MACROD2: variants seen among roughly 807,000 people sequenced by gnomAD.
The protein encoded by MACROD2 is ADP-ribose glycohydrolase MACROD2.
A neutral mutation model predicts 70.4 loss-of-function variants in MACROD2; 36 were observed. The ratio of observed to expected loss-of-function variants is 0.51; its 90% CI spans 0.39 to 0.68. The LOEUF is 0.68. Ranked by LOEUF, MACROD2 falls within the 30% of genes least tolerant of loss-of-function variation. MACROD2 has a pLI of 0.00. For synonymous variants in MACROD2, 172 were observed against 178.8 expected (o/e 0.96, Z 0.30); for missense variants, 496 against 538.4 (o/e 0.92, Z 0.78).
chr20:15,166,555 G>A (rs771713167), intron 5 of MACROD2, among the ~76,000 whole-genome samples: 1 of 151,878 alleles, frequency 6.6e-6, no homozygotes, highest in Admixed American at 6.6e-5. Context: ...CAGACTGAGA[G>A]ATTTATGCTT....
At chr20:14,734,710 AG>A (rs1465373848) in intron 5 of MACROD2, among the ~76,000 whole-genome samples, 1 of 152,170 alleles carries the variant, frequency 6.6e-6, no homozygotes, top group Non-Finnish European at 1.5e-5. Context: ...AGAAAGTTGG[AG>A]GGTTCACATT....
intron 10 of MACROD2, among the ~76,000 whole-genome samples, chr20:15,929,431 T>C (rs2065540055): frequency 4.0e-5 from 1 of 25,172 alleles, no homozygotes; most frequent in Non-Finnish European, 2.6e-4. Context: ...ACACTGATTT[T>C]ATATATATAT....
chr20:15,051,272 A>G (rs571159271), intron 5 of MACROD2, among the ~76,000 whole-genome samples: 1 of 151,728 alleles, frequency 6.6e-6, no homozygotes, highest in Non-Finnish European at 1.5e-5. Flanking sequence ...TTACTTGGCT[A>G]GTTTCCCCCA....
At chr20:15,982,612 G>GTCTAAC (rs1221999075) in intron 13 of MACROD2, among the ~76,000 whole-genome samples, 2 of 152,130 alleles carry the variant, frequency 1.3e-5, no homozygotes, top group Non-Finnish European at 2.9e-5. Context: ...GGGCCTACTA[G>GTCTAAC]AGTAAACTGA....
intron 2 of MACROD2, among the ~76,000 whole-genome samples, chr20:14,069,890 C>G (rs2053815864): frequency 6.6e-6 from 1 of 151,722 alleles, no homozygotes; most frequent in Non-Finnish European, 1.5e-5. Context: ...GGTGTCTGTG[C>G]TCGCTTATCA....
intron 3 of MACROD2, among the ~76,000 whole-genome samples, chr20:14,159,956 G>A (rs745410689): frequency 1.6e-4 from 24 of 152,126 alleles, no homozygotes; most frequent in African/African-American, 4.6e-4. Context: ...TATCAGATGC[G>A]TTTTCTGCAT....
rs190976162 is a variant in MACROD2, at chr20:15,655,669, A to G, written c.645+155822A>G. On this transcript the variant is annotated intron_variant, in intron 8 of 17. Coordinates refer to ENST00000684519, the MANE Select transcript of MACROD2 (RefSeq NM_001351661.2). Reference sequence around the variant, plus strand: ...CATTATTTCGAATGATGTATTTTTAATGTCATAACTTTCTATTATTATTTA... The same window carrying G: ...CATTATTTCGAATGATGTATTTTTAGTGTCATAACTTTCTATTATTATTTA... 2.0e-5 allele frequency among the ~76,000 whole-genome samples: 3 copies of G among 152,312 alleles called. No homozygotes were observed. The East Asian group carries it at 5.8e-4, about 29-fold the overall frequency.
chr20:14,735,174 A>G (rs756908430), intron 5 of MACROD2, among the ~76,000 whole-genome samples: 1 of 152,192 alleles, frequency 6.6e-6, no homozygotes, highest in Non-Finnish European at 1.5e-5. Flanking sequence ...TGTGCCTCAA[A>G]CGACACTATG....
intron 3 of MACROD2, among the ~76,000 whole-genome samples, chr20:14,152,411 T>C (rs1373835256): frequency 1.4e-5 from 2 of 145,744 alleles, no homozygotes; most frequent in Non-Finnish European, 3.0e-5. Flanking sequence ...AAAATTCTGT[T>C]CCTTTTTCTC....
chr20:14,350,965 A>G (rs2083117770), intron 3 of MACROD2, among the ~76,000 whole-genome samples: 1 of 152,222 alleles, frequency 6.6e-6, no homozygotes, highest in South Asian at 2.1e-4. Context: ...TCTTTTGCAT[A>G]TGGATATTCA....
chr20:14,068,832 G>T (rs1473763074), intron 2 of MACROD2, among the ~76,000 whole-genome samples: 1 of 152,182 alleles, frequency 6.6e-6, no homozygotes, highest in African/African-American at 2.4e-5. Context: ...TTACATGGTG[G>T]GCTGTTTGGG....
chr20:14,046,053 A>T (rs1222722872), intron 2 of MACROD2, among the ~76,000 whole-genome samples: 3 of 152,214 alleles, frequency 2.0e-5, no homozygotes, highest in African/African-American at 4.8e-5. Context: ...TAATGAAAAG[A>T]CTCACAGTTG....
chr20:14,856,547 G>A (rs1257952641), intron 5 of MACROD2, among the ~76,000 whole-genome samples: 4 of 152,126 alleles, frequency 2.6e-5, no homozygotes, highest in Non-Finnish European at 4.4e-5. Context: ...GAATAACAAG[G>A]CAATCCACTT....
chr20:14,552,337 C>A (rs764762880), intron 4 of MACROD2, among the ~76,000 whole-genome samples: 3 of 144,408 alleles, frequency 2.1e-5, no homozygotes, highest in Non-Finnish European at 4.5e-5. Flanking sequence ...GGGGTGGGGG[C>A]AGATAAGGGT....
chr20:14,447,370 G>A (rs1196685152), intron 3 of MACROD2, among the ~76,000 whole-genome samples: 1 of 152,126 alleles, frequency 6.6e-6, no homozygotes, highest in African/African-American at 2.4e-5. Flanking sequence ...CCCCCAACAA[G>A]TGTATTCAAA....
At chr20:14,401,799 T>C (rs958237332) in intron 3 of MACROD2, among the ~76,000 whole-genome samples, 3 of 152,166 alleles carry the variant, frequency 2.0e-5, no homozygotes, top group South Asian at 2.1e-4. Context: ...TTCATCTTTG[T>C]TGTAATCTAG....
chr20:15,433,829 G>T (rs1459587542), intron 7 of MACROD2, among the ~76,000 whole-genome samples: 1 of 151,294 alleles, frequency 6.6e-6, no homozygotes, highest in Non-Finnish European at 1.5e-5. Context: ...AAACAGCATG[G>T]TACTCCTATA....
At chr20:14,502,886 C>T (rs1434946628) in intron 4 of MACROD2, among the ~76,000 whole-genome samples, 2 of 152,126 alleles carry the variant, frequency 1.3e-5, no homozygotes, top group Non-Finnish European at 2.9e-5. Context: ...TAGTTCATTT[C>T]ATCGGTATGT....
chr20:14,179,691 GT>G (rs1007391291), intron 3 of MACROD2, among the ~76,000 whole-genome samples: 9 of 152,142 alleles, frequency 5.9e-5, no homozygotes, highest in Middle Eastern at 6.3e-3. Context: ...AAATAGGCTT[GT>G]TTGGGGACGT....
Sources: gnomAD v4.1 joint callset for allele counts (sites outside exome capture counted in the v4.1 genomes callset) on GRCh38, gnomAD v4.1.1 for gene constraint, MANE v1.5 for transcripts, NCBI Gene and HGNC (gene_info 2026-07-23, HGNC 2026-07-21) for gene names.